The following PTPN13 variants were observed in gnomAD, a reference collection of about 807,000 sequenced individuals.
PTPN13 encodes protein tyrosine phosphatase non-receptor type 13, also known as tyrosine-protein phosphatase non-receptor type 13.
Under a neutral mutation model 284.0 loss-of-function variants are expected in PTPN13, and 191 were observed. That is an observed-to-expected ratio of 0.67 (90% CI 0.60 to 0.76). The LOEUF is 0.76. PTPN13 is among the 30% of genes least tolerant of loss of function. The pLI is 0.00. For missense variants in PTPN13, 2,797 were observed against 2,939.9 expected (o/e 0.95, Z 1.12); for synonymous variants, 986 against 1,022.3 (o/e 0.96, Z 0.68).
intron 10 of PTPN13, among the ~76,000 whole-genome samples, chr4:86,731,167 G>A (rs1464635687): frequency 6.6e-6 from 1 of 152,184 alleles, no homozygotes; most frequent in Non-Finnish European, 1.5e-5. Context: ...ACATTCATTA[G>A]TTCAAGCACA....
intron 30 of PTPN13, 149 bp downstream of exon 30, chr4:86,770,348 A>T (rs975054351): frequency 9.4e-6 from 6 of 636,726 alleles, no homozygotes; most frequent in Non-Finnish European, 1.6e-5. Context: ...TGTATGTGAC[A>T]ACTTCTTTGA....
intron 2 of PTPN13, among the ~76,000 whole-genome samples, chr4:86,648,006 A>C (rs750874715): frequency 5.3e-5 from 8 of 152,174 alleles, no homozygotes; most frequent in Non-Finnish European, 8.8e-5. Flanking sequence ...AAAAATTAAT[A>C]AAACATCTCA....
Position 86,751,095 on chromosome 4 carries a change from T to C in PTPN13, c.3137T>C (p.Ile1046Thr), listed in dbSNP as rs749081713. The C allele has an allele frequency of 8.7e-6, 14 of 1,605,108 alleles. No individual in the cohort carries two copies. Among genetic ancestry groups the C allele is most frequent in the Middle Eastern group, 1.7e-4 (1 of 6,042 alleles). Residue 1046 changes from isoleucine (I) to threonine (T), a missense_variant, in exon 19 of 48, where the codon ATT becomes ACT. Coordinates refer to ENST00000411767, the MANE Select transcript of PTPN13 (RefSeq NM_080683.3). ...AAACATGAATCAGACTCCTCATCCA[T>C]TGAAGACCCTGGGCAAGCATATGTT... is the stretch of plus-strand genomic sequence containing the variant. ...RRKHESDSSS[I>T]EDPGQAYVLG...
chr4:86,755,199 C>T (rs1192130646), intron 20 of PTPN13, among the ~76,000 whole-genome samples: 3 of 152,056 alleles, frequency 2.0e-5, no homozygotes, highest in East Asian at 3.9e-4. Context: ...TATATTCGCT[C>T]TTACCTTTTA....
Position 86,638,582 on chromosome 4 carries a change from G to A in PTPN13, c.115+3211G>A, listed in dbSNP as rs200394520. The stretch of plus-strand genomic sequence containing the variant: ...TGACAAAAACAAGCAATGGGGAAAC[G>A]ATTCGCTATTTAATAAGTGGTGCTG... On this transcript the variant is annotated intron_variant, in intron 2 of 47. Coordinates refer to ENST00000411767, the MANE Select transcript of PTPN13 (RefSeq NM_080683.3). 5.9e-5 allele frequency among the ~76,000 whole-genome samples: 9 copies of A among 152,290 alleles called. No homozygotes were observed. The East Asian group carries it at 9.7e-4, about 16-fold the overall frequency.
intron 35 of PTPN13, among the ~76,000 whole-genome samples, chr4:86,777,647 C>A (rs1471921116): frequency 6.6e-6 from 1 of 152,132 alleles, no homozygotes; most frequent in Non-Finnish European, 1.5e-5. Flanking sequence ...AGACTTAAGT[C>A]ATATAAAGGA....
intron 1 of PTPN13, among the ~76,000 whole-genome samples, chr4:86,595,448 C>T (rs548373304): frequency 6.6e-6 from 1 of 152,176 alleles, no homozygotes; most frequent in African/African-American, 2.4e-5. Flanking sequence ...TAAAGTTAAA[C>T]CAAAGTCAAG....
At chr4:86,739,723 C>T (rs901964355) in intron 15 of PTPN13, among the ~76,000 whole-genome samples, 4 of 152,180 alleles carry the variant, frequency 2.6e-5, no homozygotes, top group Admixed American at 6.5e-5. Context: ...CAAAAGTCCA[C>T]AGTCCAAAGT....
At chr4:86,596,794 ACTT>A (rs1763849009) in intron 1 of PTPN13, among the ~76,000 whole-genome samples, 1 of 152,092 alleles carries the variant, frequency 6.6e-6, no homozygotes, top group Non-Finnish European at 1.5e-5. Flanking sequence ...ATAAACTATT[ACTT>A]CTTTTTTTTC....
At chr4:86,707,742 G>A (rs111742164) in intron 7 of PTPN13, among the ~76,000 whole-genome samples, 7,510 of 151,954 alleles carry the variant, frequency 0.049, 257 homozygotes, top group African/African-American at 0.071. Context: ...AAGTTACTCC[G>A]TGAGCTAAAA....
intron 39 of PTPN13, 96 bp from the exon 40 acceptor site, chr4:86,785,752 G>T: frequency 1.6e-6 from 1 of 624,100 alleles, no homozygotes; most frequent in Non-Finnish European, 2.6e-6. Context: ...TATGGATATT[G>T]GTTTATACAC....
chr4:86,662,306 G>C (rs1407712814), intron 2 of PTPN13, among the ~76,000 whole-genome samples: 1 of 152,056 alleles, frequency 6.6e-6, no homozygotes, highest in Non-Finnish European at 1.5e-5. Context: ...AATAAGATAT[G>C]ATTGTTATAT....
At chr4:86,766,849 A>C (rs1017549206) in intron 27 of PTPN13, among the ~76,000 whole-genome samples, 2 of 152,202 alleles carry the variant, frequency 1.3e-5, no homozygotes, top group Admixed American at 1.3e-4. Context: ...TAGCCTTAAC[A>C]CAAAATTTAT....
intron 17 of PTPN13, among the ~76,000 whole-genome samples, chr4:86,746,157 G>C (rs1736738352): frequency 6.6e-6 from 1 of 152,094 alleles, no homozygotes; most frequent in Non-Finnish European, 1.5e-5. Context: ...CTTTTGAAAA[G>C]GAGCCAGCAG....
chr4:86,689,697 A>T (rs567919160), intron 5 of PTPN13: 12 of 702,306 alleles, frequency 1.7e-5, no homozygotes, highest in Non-Finnish European at 3.1e-5. Flanking sequence ...CCATGCTTGT[A>T]TCCCTGCCAG....
At chr4:86,667,857 T>G (rs1727256971) in intron 2 of PTPN13, among the ~76,000 whole-genome samples, 1 of 152,200 alleles carries the variant, frequency 6.6e-6, no homozygotes, top group Admixed American at 6.5e-5. Context: ...TTTTGATTAG[T>G]GTTTCCTTAC....
chr4:86,766,064 G>A (rs960055795), intron 26 of PTPN13, among the ~76,000 whole-genome samples: 4 of 152,134 alleles, frequency 2.6e-5, no homozygotes, highest in African/African-American at 9.7e-5. Flanking sequence ...CTGACCTCAG[G>A]TGATCCCCCC....
chr4:86,682,256 C>T (rs1210472328), intron 3 of PTPN13, among the ~76,000 whole-genome samples: 1 of 152,102 alleles, frequency 6.6e-6, no homozygotes, highest in Non-Finnish European at 1.5e-5. Flanking sequence ...TCAAAGGCAC[C>T]TACCTCTATA....
chr4:86,664,617 G>C (rs1726859899), intron 2 of PTPN13, among the ~76,000 whole-genome samples: 1 of 152,130 alleles, frequency 6.6e-6, no homozygotes, highest in Non-Finnish European at 1.5e-5. Context: ...TATTGTAGAA[G>C]AAATATGTGA....
Sources: gnomAD v4.1 joint callset for allele counts (sites outside exome capture counted in the v4.1 genomes callset) on GRCh38, gnomAD v4.1.1 for gene constraint, MANE v1.5 for transcripts, NCBI Gene and HGNC (gene_info 2026-07-23, HGNC 2026-07-21) for gene names.